CARD14: variants seen among roughly 807,000 people sequenced by gnomAD.
CARD14 encodes caspase recruitment domain family member 14.
In CARD14, 107 loss-of-function variants were observed where a neutral mutation model predicts 111.5. The ratio of observed to expected loss-of-function variants is 0.96; its 90% CI spans 0.82 to 1.13. The LOEUF (loss-of-function observed/expected upper bound fraction) is 1.13, where lower values mean the gene tolerates loss of function less well. Among genes scored for constraint, CARD14 ranks in the 50% most tolerant of loss-of-function variants. The pLI is 0.00. For missense variants in CARD14, 1,322 were observed against 1,362.3 expected (o/e 0.97, Z 0.47); for synonymous variants, 617 against 579.6 (o/e 1.06, Z -0.93).
intron 16 of CARD14, among the ~76,000 whole-genome samples, chr17:80,200,262 A>T (rs2040902022): frequency 1.8e-5 from 2 of 112,610 alleles, no homozygotes; most frequent in Non-Finnish European, 1.7e-5. Context: ...TTTGAGACAG[A>T]GTCTTGCTCT....
Position 80,205,174 on chromosome 17 carries a change from C to A in CARD14, c.2538C>A (p.Cys846Ter), listed in dbSNP as rs1312603574. 9 of 1,613,462 alleles carry A rather than the reference C, an allele frequency of 5.6e-6. No homozygotes were observed. Among genetic ancestry groups the A allele is most frequent in the African/African-American group, 2.7e-5 (2 of 74,908 alleles). The change falls in exon 21 of 24, where the codon TGC (cysteine) becomes TGA (stop). Residue 846 changes from cysteine (C) to a stop codon, truncating the protein, a stop_gained. Coordinates refer to ENST00000648509, the MANE Select transcript of CARD14 (RefSeq NM_001366385.1). LOFTEE classifies it high-confidence loss of function. ...GGAAGATCCTGAGCGAGAAACTGTG[C>A]CTCCTCCAAGGGTTTAAGAAGTGCC... is the stretch of plus-strand genomic sequence containing the variant. ...AVGKILSEKL[C>*]LLQGFKKCLA...
rs1188327051 is a variant in CARD14, at chr17:80,202,174, T to G, written c.1979-6T>G. 1 of 1,607,366 alleles carries G rather than the reference T, an allele frequency of 6.2e-7. No individual in the cohort carries two copies. The highest frequency in any genetic ancestry group is 2.2e-5 in the East Asian group (1 of 44,690). On this transcript the variant is annotated splice_region_variant and splice_polypyrimidine_tract_variant and intron_variant, in intron 17 of 23. Coordinates refer to ENST00000648509, the MANE Select transcript of CARD14 (RefSeq NM_001366385.1). ...CTCATCTGTGGCTCATGTCCCCTTT[T>G]ATCAGGTTATAAGAGGCTACTCCAG...
chr17:80,194,372 A>T (rs1331216517), intron 12 of CARD14, among the ~76,000 whole-genome samples: 1 of 152,172 alleles, frequency 6.6e-6, no homozygotes, highest in Admixed American at 6.5e-5. Context: ...CTACTCCAGG[A>T]ATACTTATTA....
chr17:80,194,153 A>G (rs1180370058), intron 12 of CARD14, among the ~76,000 whole-genome samples: 1 of 151,542 alleles, frequency 6.6e-6, no homozygotes, highest in Non-Finnish European at 1.5e-5. Context: ...TGCCCCCAAC[A>G]CACACACACT....
At chr17:80,173,877 G>T (rs575206433) in intron 2 of CARD14, among the ~76,000 whole-genome samples, 2 of 152,056 alleles carry the variant, frequency 1.3e-5, no homozygotes, top group African/African-American at 4.8e-5. Flanking sequence ...GATTACAGGC[G>T]TGAACCATCG....
At chr17:80,199,483 GC>G (rs1598680933) in intron 16 of CARD14, among the ~76,000 whole-genome samples, 1 of 146,206 alleles carries the variant, frequency 6.8e-6, no homozygotes, top group East Asian at 2.1e-4. Context: ...AGATGCCTGA[GC>G]CCAGGAGATT....
chr17:80,198,562 G>GC lies in CARD14; in HGVS notation c.1824dup (p.Arg610AlafsTer10), dbSNP rs2040807144. 1 of 1,612,850 alleles carries GC rather than the reference G, an allele frequency of 6.2e-7. No homozygotes were observed. The highest frequency in any genetic ancestry group is 8.5e-7 in the Non-Finnish European group (1 of 1,179,774). The stretch of plus-strand genomic sequence containing the variant: ...CCCGGGCTCGGCGGCGGACCAGATG[G>GC]CCTTGCGCCCGGGCACCCAGATTGT... On this transcript the variant is annotated frameshift_variant, in exon 16 of 24. Coordinates refer to ENST00000648509, the MANE Select transcript of CARD14 (RefSeq NM_001366385.1). LOFTEE classifies it high-confidence loss of function. The surrounding 1 kb of genome is among the most constrained non-coding windows in gnomAD (Gnocchi z 7.5).
At chr17:80,175,169 G>A (rs2039997031) in intron 2 of CARD14, among the ~76,000 whole-genome samples, 2 of 151,682 alleles carry the variant, frequency 1.3e-5, no homozygotes, top group Non-Finnish European at 2.9e-5. Flanking sequence ...GTAGAGACAG[G>A]GTTTCGCCAT....
At chr17:80,206,352 G>A (rs111385780) in intron 22 of CARD14, among the ~76,000 whole-genome samples, 1,629 of 152,214 alleles carry the variant, frequency 0.011, 24 homozygotes, top group African/African-American at 0.037. Flanking sequence ...AGTGGCTCGC[G>A]CCTGTAATCC....
chr17:80,205,716 G>C (rs1403717001), intron 22 of CARD14, 64 bp downstream of exon 22: 7 of 1,467,174 alleles, frequency 4.8e-6, no homozygotes, highest in Non-Finnish European at 6.3e-6. Context: ...ATGCAGAGGA[G>C]GGGGATGAGA....
chr17:80,171,020 T>C (rs1158543001), intron 1 of CARD14, among the ~76,000 whole-genome samples: 3 of 151,304 alleles, frequency 2.0e-5, no homozygotes. Context: ...TTTTTATTTT[T>C]AGTAGAGACA....
At chr17:80,172,085 A>G (rs1048178750) in intron 1 of CARD14, among the ~76,000 whole-genome samples, 2 of 152,256 alleles carry the variant, frequency 1.3e-5, no homozygotes, top group African/African-American at 4.8e-5. Context: ...AACTCGATAT[A>G]GTAAGATACT....
intron 14 of CARD14, chr17:80,196,575 G>A (rs2040720131): frequency 1.3e-5 from 2 of 152,194 alleles, no homozygotes; most frequent in Admixed American, 1.3e-4. Context: ...TTTTGCCTGT[G>A]AGCCAGGCCT....
Position 80,195,759 on chromosome 17 carries a change from G to A in CARD14, c.1594+107G>A. 1.1e-6 allele frequency: 1 copy of A among 932,108 alleles called. No homozygotes were observed. The highest frequency in any genetic ancestry group is 2.7e-5 in the East Asian group (1 of 37,234). The allele number at this position is 932,108 out of a possible 1,614,324, so 57.7% of individuals were successfully genotyped here. A position where few individuals can be genotyped will look rare whatever the true frequency, so the allele number is the denominator to read the frequency against. ...CTCTCCAGGGAAAGGGCAGATAGAA[G>A]CAGAGCTCAACTTCTGCCCTGGGCC... On this transcript the variant is annotated intron_variant, in intron 14 of 23. Transcript: ENST00000648509. The surrounding 1 kb of genome is among the most constrained non-coding windows in gnomAD (Gnocchi z 4.7).
In CARD14 at chr17:80,181,493, C is replaced by G. The variant is rs1325923951; in HGVS notation, c.55C>G (p.Leu19Val). 6.3e-7 allele frequency: 1 copy of G among 1,589,564 alleles called. No homozygotes were observed. Among genetic ancestry groups the G allele is most frequent in the South Asian group, 1.1e-5 (1 of 87,552 alleles). The stretch of plus-strand genomic sequence containing the variant: ...ACTCACGGCACTGGACGAGGAGACA[C>G]TGTGGGAGATGATGGAGAGCCACCG... ...SALTALDEET[L>V]WEMMESHRHR... The change falls in exon 5 of 24, where the codon CTG (leucine) becomes GTG (valine). Residue 19 changes from leucine to valine, a missense_variant. Coordinates refer to ENST00000648509, the MANE Select transcript of CARD14 (RefSeq NM_001366385.1).
Position 80,198,695 on chromosome 17 carries a change from C to T in CARD14, c.1851+104C>T, listed in dbSNP as rs1380516512. The T allele has an allele frequency of 9.4e-6, 15 of 1,599,538 alleles. No individual in the cohort carries two copies. In the Admixed American group the frequency reaches 2.5e-4, roughly 27 times the overall value. On this transcript the variant is annotated intron_variant, in intron 16 of 23. Coordinates refer to ENST00000648509, the MANE Select transcript of CARD14 (RefSeq NM_001366385.1). This position sits in a 1 kb window ranked among gnomAD's most constrained non-coding sequence, Gnocchi z 7.5. ...TTCACCTCCCCCAGACGATGCAGAT[C>T]CACTCTGGGCTGGGCCTCTGCTCTT...
At chr17:80,193,094 C>T (rs1032475139) in intron 12 of CARD14, among the ~76,000 whole-genome samples, 5 of 152,158 alleles carry the variant, frequency 3.3e-5, no homozygotes, top group Admixed American at 6.5e-5. Context: ...CTGTCACAGT[C>T]CTGGAGCCCA....
chr17:80,190,831 C>T lies in CARD14; in HGVS notation c.1021C>T (p.Gln341Ter). ...LQFQKSKMAC[Q>*]LYREKVNALQ... ...GTTCCAGAAGAGTAAGATGGCCTGC[C>T]AACTCTACAGGGAGAAGGTGAATGC... The change falls in exon 10 of 24, where the codon CAA becomes TAA. Residue 341 changes from glutamine to a stop codon, truncating the protein, a stop_gained. Transcript: ENST00000648509. LOFTEE classifies it high-confidence loss of function. The T allele has an allele frequency of 2.5e-6, 4 of 1,614,112 alleles. No homozygotes were observed. The highest frequency in any genetic ancestry group is 3.4e-6 in the Non-Finnish European group (4 of 1,180,034).
chr17:80,197,712 C>A (rs571920400), intron 14 of CARD14, among the ~76,000 whole-genome samples: 1 of 152,278 alleles, frequency 6.6e-6, no homozygotes, highest in African/African-American at 2.4e-5. Context: ...TCAAGTGAAG[C>A]CAGAAATCCA....
Sources: gnomAD v4.1 joint callset for allele counts (sites outside exome capture counted in the v4.1 genomes callset) on GRCh38, gnomAD v4.1.1 for gene constraint, Gnocchi (gnomAD v3.1) non-coding constraint, MANE v1.5 for transcripts, NCBI Gene and HGNC (gene_info 2026-07-23, HGNC 2026-07-21) for gene names.